Variants in NID2 observed in about 807,000 individuals in gnomAD.
NID2 encodes nidogen-2.
Under a neutral mutation model 145.4 loss-of-function variants are expected in NID2, and 83 were observed. The ratio of observed to expected loss-of-function variants is 0.57; its 90% confidence interval spans 0.48 to 0.69. The LOEUF (loss-of-function observed/expected upper bound fraction) is 0.69, where lower values mean the gene tolerates loss of function less well. Ranked by LOEUF, NID2 falls within the 30% of genes least tolerant of loss-of-function variation. The pLI is 0.00. For synonymous variants in NID2, 739 were observed against 701.3 expected (o/e 1.05, Z -0.85); for missense variants, 1,807 against 1,765.7 (o/e 1.02, Z -0.42).
chr14:52,019,235 C>A lies in NID2; in HGVS notation c.2854G>T (p.Ala952Ser). 2 of 1,611,548 alleles carry A rather than the reference C, an allele frequency of 1.2e-6. No homozygotes were observed. Among genetic ancestry groups the A allele is most frequent in the African/African-American group, 1.3e-5 (1 of 74,988 alleles). Residue 952 changes from alanine (A) to serine (S), a missense_variant, in exon 14 of 22, where the codon GCC becomes TCC. Physicochemically the swap from Ala to Ser is moderately conservative, Grantham distance 99. Coordinates refer to ENST00000216286, the MANE Select transcript of NID2 (RefSeq NM_007361.4). ...ATGTGGAACCGGGCCCCAGGGTAGG[C>A]ATACTGGGCCTGGGCATGGCGCTGC... ...QQQRHAQAQYAYPGARFHIPQ... is the reference protein window; with the variant it reads ...QQQRHAQAQYSYPGARFHIPQ...
intron 18 of NID2, chr14:52,008,429 G>C (rs956592371): frequency 6.5e-6 from 1 of 153,152 alleles, no homozygotes; most frequent in African/African-American, 2.4e-5. Context: ...CCATGCCTGA[G>C]GGAGCTCGGT....
At position 52,015,388 on chromosome 14, in the gene NID2, T is replaced by C. The variant is rs1390025666; in HGVS notation, c.3029-113A>G. The C allele has an allele frequency of 5.0e-6, 5 of 999,792 alleles. No homozygotes were observed. The Admixed American group carries it at 1.4e-4, about 27-fold the overall frequency. The allele number at this position is 999,792 out of a possible 1,614,324, so 61.9% of individuals were successfully genotyped here. ...GGCCTCCTGGCCTTCCTTCTCCTAC[T>C]GTCCAGGTCTCAGCCAAGCCCGTGG... On this transcript the variant is annotated intron_variant, in intron 14 of 21. Coordinates refer to ENST00000216286, the MANE Select transcript of NID2 (RefSeq NM_007361.4).
chr14:52,039,688 A>C (rs1415427295), intron 8 of NID2, among the ~76,000 whole-genome samples: 1 of 152,248 alleles, frequency 6.6e-6, no homozygotes, highest in Non-Finnish European at 1.5e-5. Flanking sequence ...GCTGTGCTGC[A>C]CAACAGCAGC....
chr14:52,039,513 T>A (rs959730883), intron 8 of NID2, among the ~76,000 whole-genome samples: 2 of 152,224 alleles, frequency 1.3e-5, no homozygotes, highest in Non-Finnish European at 2.9e-5. Context: ...TCTCTCACCA[T>A]CTGAGTCTAG....
intron 9 of NID2, among the ~76,000 whole-genome samples, chr14:52,035,866 A>ATG (rs765532906): frequency 0.49 from 66,786 of 136,086 alleles, 17,604 homozygotes; most frequent in South Asian, 0.59. Flanking sequence ...GTATATATAT[A>ATG]TATATATATA....
rs1016090446 is a variant in NID2 at position 52,011,838 on chromosome 14, T to C, written c.3421-155A>G. 2.6e-5 allele frequency: 22 copies of C among 858,754 alleles called. No individual in the cohort carries two copies. The East Asian group carries it at 5.5e-4, about 22-fold the overall frequency. The allele number at this position is 858,754 out of a possible 1,614,324, so 53.2% of individuals were successfully genotyped here. A position where few individuals can be genotyped will look rare whatever the true frequency, so the allele number is the denominator to read the frequency against. On this transcript the variant is annotated intron_variant, in intron 16 of 21. Transcript: ENST00000216286. ...GTAGCTGGACATGTGGGCACTCGGG[T>C]GAAATCTAGGCTCAGCCACTTAGTA... is the stretch of plus-strand genomic sequence containing the variant.
intron 9 of NID2, 105 bp downstream of exon 9, chr14:52,038,642 A>T (rs753051): frequency 2.3e-6 from 2 of 873,418 alleles, no homozygotes; most frequent in Non-Finnish European, 3.5e-6. Context: ...TACCTAGCAC[A>T]TAACACAGCA....
intron 3 of NID2, among the ~76,000 whole-genome samples, chr14:52,059,082 T>C (rs1200665828): frequency 6.6e-6 from 1 of 152,218 alleles, no homozygotes; most frequent in African/African-American, 2.4e-5. Flanking sequence ...TTTGAGATCA[T>C]AGGCAATTTA....
At position 52,028,839 on chromosome 14, in the gene NID2, A is replaced by G. The variant is rs368465789; in HGVS notation, c.2413T>C (p.Cys805Arg). Residue 805 changes from cysteine (C) to arginine (R), a missense_variant, in exon 11 of 22, where the codon TGT (cysteine) becomes CGT (arginine). Cys to Arg is a radical substitution (Grantham distance 180). Coordinates refer to ENST00000216286, the MANE Select transcript of NID2 (RefSeq NM_007361.4). ...DGRNCVDENE[C>R]ATGFHRCGPN... ...CCACAGCGATGAAAGCCAGTTGCAC[A>G]TTCATTTTCATCTAAGAAGAAATGA... is the stretch of plus-strand genomic sequence containing the variant. 7 of 1,613,230 alleles carry G rather than the reference A, an allele frequency of 4.3e-6. No homozygotes were observed. The African/African-American group carries it at 8.0e-5, about 18-fold the overall frequency.
In NID2 at chr14:52,068,965, C is replaced by A. The variant is rs765678048; in HGVS notation, c.30G>T (p.Pro10=). 22 of 1,611,834 alleles carry A rather than the reference C, an allele frequency of 1.4e-5. No homozygotes were observed. The South Asian group carries it at 2.3e-4, about 17-fold the overall frequency. The stretch of plus-strand genomic sequence containing the variant: ...GTAGCACTGGTAACGACGACAGCAC[C>A]GGCCGCCCGGCCACCCGGTCCCCCT... MEGDRVAGR[P]VLSSLPVLLL... is the part of the protein sequence containing the mutation. Residue 10 remains proline, a synonymous_variant, in exon 1 of 22, where the codon CCG becomes CCT. Coordinates refer to ENST00000216286, the MANE Select transcript of NID2 (RefSeq NM_007361.4).
chr14:52,035,878 A>ATATATACACATATATATATT (rs58318209), intron 9 of NID2, among the ~76,000 whole-genome samples: 2 of 135,204 alleles, frequency 1.5e-5, no homozygotes, highest in African/African-American at 5.7e-5. Flanking sequence ...ATATATATAT[A>ATATATACACATATATATATT]TGTTTTATTT....
chr14:52,012,039 G>T, intron 16 of NID2: 1 of 137,670 alleles, frequency 7.3e-6, no homozygotes, highest in Non-Finnish European at 1.5e-5. Context: ...TATGACTGAT[G>T]ATTTAAAAAA....
chr14:52,041,934 T>C (rs904719023), intron 7 of NID2, among the ~76,000 whole-genome samples, 171 bp downstream of exon 7: 2 of 152,226 alleles, frequency 1.3e-5, no homozygotes, highest in African/African-American at 4.8e-5. Context: ...ATCAGTGATG[T>C]GAGGTCAAAC....
chr14:52,067,301 A>C (rs2140440520), intron 2 of NID2, among the ~76,000 whole-genome samples: 2 of 152,352 alleles, frequency 1.3e-5, no homozygotes, highest in Middle Eastern at 6.8e-3. Flanking sequence ...TGACATTGAA[A>C]CATATTTACA....
intron 9 of NID2, among the ~76,000 whole-genome samples, chr14:52,033,033 G>T (rs1566757622): frequency 6.6e-6 from 1 of 152,144 alleles, no homozygotes; most frequent in Non-Finnish European, 1.5e-5. Flanking sequence ...TGAGCACAGG[G>T]CCCCATTCAC....
At chr14:52,029,479 C>T (rs1417296665) in intron 10 of NID2, 68 bp downstream of exon 10, 4 of 1,497,368 alleles carry the variant, frequency 2.7e-6, no homozygotes, top group Admixed American at 1.8e-5. Context: ...CTTCTACAGA[C>T]ATAAGGCTGG....
intron 14 of NID2, among the ~76,000 whole-genome samples, chr14:52,018,415 G>A (rs543923741): frequency 6.6e-6 from 1 of 152,314 alleles, no homozygotes; most frequent in Admixed American, 6.5e-5. Flanking sequence ...TCGACTGTGA[G>A]CACTTGATCA....
chr14:52,035,208 A>G (rs935158564), intron 9 of NID2, among the ~76,000 whole-genome samples: 3 of 152,180 alleles, frequency 2.0e-5, no homozygotes, highest in African/African-American at 7.2e-5. Context: ...CCTATAACCA[A>G]CATTACAATA....
intron 16 of NID2, among the ~76,000 whole-genome samples, chr14:52,012,488 C>G (rs187468422): frequency 2.6e-5 from 4 of 152,078 alleles, no homozygotes; most frequent in African/African-American, 9.7e-5. Flanking sequence ...GTCCCAGCTA[C>G]TCAGGAGACC....
Sources: gnomAD v4.1 joint callset for allele counts (sites outside exome capture counted in the v4.1 genomes callset) on GRCh38, gnomAD v4.1.1 for gene constraint, MANE v1.5 for transcripts, NCBI Gene and HGNC (gene_info 2026-07-23, HGNC 2026-07-21) for gene names.